PLCB4: variants seen among roughly 807,000 people sequenced by gnomAD.
PLCB4 encodes the protein 1-phosphatidylinositol 4,5-bisphosphate phosphodiesterase beta-4.
A neutral mutation model predicts 178.8 loss-of-function variants in PLCB4; 77 were observed. The ratio of observed to expected loss-of-function variants is 0.43; its 90% CI spans 0.36 to 0.52. The LOEUF is 0.52. Among genes scored for constraint, PLCB4 ranks in the 20% least tolerant of loss-of-function variants. The pLI is 0.00. For synonymous variants in PLCB4, 496 were observed against 490.8 expected (o/e 1.01, Z -0.14); for missense variants, 1,024 against 1,453.4 (o/e 0.70, Z 4.80).
At chr20:9,183,195 CT>C (rs1434871387) in intron 2 of PLCB4, among the ~76,000 whole-genome samples, 2 of 152,134 alleles carry the variant, frequency 1.3e-5, no homozygotes, top group African/African-American at 4.8e-5. Flanking sequence ...TGGGGCTCAC[CT>C]ATCTCGTGAA....
chr20:9,109,459 A>G (rs935100734), intron 2 of PLCB4, among the ~76,000 whole-genome samples: 2 of 152,042 alleles, frequency 1.3e-5, no homozygotes, highest in Non-Finnish European at 2.9e-5. Flanking sequence ...GGAAATAAAT[A>G]AAATGATTGC....
At chr20:9,451,801 A>G (rs937795274) in intron 32 of PLCB4, among the ~76,000 whole-genome samples, 2 of 152,204 alleles carry the variant, frequency 1.3e-5, no homozygotes, top group Middle Eastern at 3.2e-3. Flanking sequence ...AATCCTAACA[A>G]CCCTATGAAG....
chr20:9,245,581 A>C (rs1398534507), intron 3 of PLCB4, among the ~76,000 whole-genome samples: 1 of 152,170 alleles, frequency 6.6e-6, no homozygotes, highest in Non-Finnish European at 1.5e-5. Context: ...ATAGGACTGA[A>C]GCAACCTCAA....
intron 3 of PLCB4, among the ~76,000 whole-genome samples, chr20:9,238,376 G>GT (rs1276307852): frequency 6.6e-6 from 1 of 152,182 alleles, no homozygotes; most frequent in Non-Finnish European, 1.5e-5. Context: ...TGCTGCACAG[G>GT]TGTGCACTGT....
chr20:9,203,625 A>C (rs2093577864), intron 2 of PLCB4, among the ~76,000 whole-genome samples: 1 of 152,132 alleles, frequency 6.6e-6, no homozygotes, highest in Admixed American at 6.5e-5. Flanking sequence ...TATTCCATTT[A>C]ACTTCACAAC....
At chr20:9,090,391 T>C (rs924901372) in intron 1 of PLCB4, among the ~76,000 whole-genome samples, 2 of 151,930 alleles carry the variant, frequency 1.3e-5, no homozygotes, top group Non-Finnish European at 2.9e-5. Context: ...TGTATGTGTA[T>C]GGGAAATCTT....
At chr20:9,368,929 G>A (rs1405047399) in intron 9 of PLCB4, among the ~76,000 whole-genome samples, 1 of 152,128 alleles carries the variant, frequency 6.6e-6, no homozygotes. Flanking sequence ...GAGGCACTAA[G>A]CTTATGTGAA....
At chr20:9,350,155 T>A (rs6056567) in intron 7 of PLCB4, among the ~76,000 whole-genome samples, 42,176 of 149,786 alleles carry the variant, frequency 0.28, 8,838 homozygotes, top group African/African-American at 0.6. Context: ...AAAATAAATT[T>A]AAAAAAAAAA....
chr20:9,344,278 G>C (rs939165715), intron 7 of PLCB4, among the ~76,000 whole-genome samples: 1 of 152,092 alleles, frequency 6.6e-6, no homozygotes, highest in South Asian at 2.1e-4. Flanking sequence ...CAGCCCTCAC[G>C]TGTCTGCTGG....
chr20:9,437,020 C>G lies in PLCB4; in HGVS notation c.2632C>G (p.Pro878Ala). Residue 878 changes from proline to alanine, a missense_variant, in exon 30 of 40, where the codon CCC (proline) becomes GCC (alanine). Physicochemically the swap from Pro to Ala is conservative, Grantham distance 27. Coordinates refer to ENST00000378473, the MANE Select transcript of PLCB4 (RefSeq NM_001377142.1). The part of the protein sequence containing the change: ...GIETSDIADV[P>A]SDTSKNDKKG... ...GTTCCAGAGTGACATAGCCGACGTG[C>G]CCAGTGACACTTCCAAAAATGACAA... The G allele has an allele frequency of 6.2e-7, 1 of 1,613,918 alleles. No individual in the cohort carries two copies. Among genetic ancestry groups the G allele is most frequent in the Non-Finnish European group, 8.5e-7 (1 of 1,179,918 alleles).
intron 26 of PLCB4, 100 bp downstream of exon 26, chr20:9,420,009 C>A: frequency 1.5e-6 from 1 of 666,726 alleles, no homozygotes; most frequent in Non-Finnish European, 2.6e-6. Flanking sequence ...GATCCATGTG[C>A]TGCTCACAAC....
In PLCB4 at chr20:9,351,881, T is replaced by G. The variant is rs73246624; in HGVS notation, c.370-11015T>G. On this transcript the variant is annotated intron_variant, in intron 7 of 39. Transcript: ENST00000378473. ...TGCCAACATTGTCAACAGGTACCTG[T>G]CAGGAAGAATGTGACCGATAAATAC... Among the ~76,000 whole-genome samples the G allele has an allele frequency of 6.2e-3, 951 of 152,252 alleles. 13 individuals are homozygous for G. Among genetic ancestry groups the G allele is most frequent in the African/African-American group, 0.022 (900 of 41,542 alleles).
At chr20:9,363,216 A>C (rs797018147) in intron 8 of PLCB4, among the ~76,000 whole-genome samples, 31 of 152,260 alleles carry the variant, frequency 2.0e-4, no homozygotes, top group African/African-American at 7.0e-4. Context: ...GGACACTGGA[A>C]CCTCAGTCAC....
intron 1 of PLCB4, among the ~76,000 whole-genome samples, chr20:9,077,409 C>A (rs1028503764): frequency 1.3e-5 from 2 of 152,154 alleles, no homozygotes; most frequent in Admixed American, 1.3e-4. Flanking sequence ...ATTTGTGGAA[C>A]CTCTGATTAT....
chr20:9,456,025 G>C (rs1406695418), intron 33 of PLCB4, among the ~76,000 whole-genome samples: 1 of 152,102 alleles, frequency 6.6e-6, no homozygotes, highest in Non-Finnish European at 1.5e-5. Context: ...TAATAGAAAT[G>C]GGGTTTCACC....
intron 14 of PLCB4, among the ~76,000 whole-genome samples, chr20:9,386,487 T>A (rs924225283): frequency 6.6e-6 from 1 of 151,880 alleles, no homozygotes; most frequent in African/African-American, 2.4e-5. Flanking sequence ...TTTATTTTTT[T>A]AATTCATTTT....
At chr20:9,452,638 C>G (rs2122287329) in intron 32 of PLCB4, among the ~76,000 whole-genome samples, 1 of 152,224 alleles carries the variant, frequency 6.6e-6, no homozygotes, top group East Asian at 1.9e-4. Flanking sequence ...ATTGAAATAC[C>G]TACTTTCCAA....
Position 9,126,289 on chromosome 20 carries a change from C to T in PLCB4, c.-79+29947C>T, listed in dbSNP as rs531550964. Among the ~76,000 whole-genome samples, 10 of 152,210 alleles carry T rather than the reference C, an allele frequency of 6.6e-5. No homozygotes were observed. The East Asian group carries it at 1.2e-3, about 18-fold the overall frequency. On this transcript the variant is annotated intron_variant, in intron 2 of 39. Coordinates refer to ENST00000378473, the MANE Select transcript of PLCB4 (RefSeq NM_001377142.1). ...TAAGGAATGTCATTCACTGAAGACA[C>T]GTGTTTTTACACATCCCTAGAATAA...
At chr20:9,334,256 G>T (rs116193843) in intron 4 of PLCB4, among the ~76,000 whole-genome samples, 4 of 152,166 alleles carry the variant, frequency 2.6e-5, no homozygotes, top group African/African-American at 9.7e-5. Context: ...CTCAGGTGAG[G>T]AAAGGAAGGT....
Sources: gnomAD v4.1 joint callset for allele counts (sites outside exome capture counted in the v4.1 genomes callset) on GRCh38, gnomAD v4.1.1 for gene constraint, MANE v1.5 for transcripts, NCBI Gene and HGNC (gene_info 2026-07-23, HGNC 2026-07-21) for gene names.